Variants in USH2A observed in about 807,000 individuals in gnomAD.
The protein encoded by USH2A is usherin, also known as Usher syndrome 2A (autosomal recessive, mild).
A neutral mutation model predicts 538.9 loss-of-function variants in USH2A; 443 were observed. The ratio of observed to expected loss-of-function variants is 0.82; its 90% CI spans 0.76 to 0.89. USH2A has a LOEUF of 0.89. Ranked by LOEUF, USH2A falls within the 40% of genes least tolerant of loss-of-function variation. The pLI, the probability that USH2A is intolerant of heterozygous loss-of-function variation, is 0.00. For synonymous variants in USH2A, 2,413 were observed against 2,273.5 expected (o/e 1.06, Z -1.75); for missense variants, 6,633 against 6,324.8 (o/e 1.05, Z -1.65).
Position 215,899,950 on chromosome 1 carries a change from A to C in USH2A, c.7594+125T>G. The C allele has an allele frequency of 2.2e-6, 3 of 1,394,076 alleles. 1 individual carries two copies. The South Asian group carries it at 3.6e-5, about 17-fold the overall frequency. 86.4% of individuals were successfully genotyped at this position (1,394,076 alleles called of 1,614,324 possible). A position where few individuals can be genotyped will look rare whatever the true frequency, so the allele number is the denominator to read the frequency against. ...CTTTGCTCACTCTCTTGCCCTAGAA[A>C]AGGTTATTGTCACTAAACAACAAGT... is the stretch of plus-strand genomic sequence containing the variant. On this transcript the variant is annotated intron_variant, in intron 40 of 71. Transcript: ENST00000307340.
chr1:215,806,894 CTTTTT>C (rs1455610043), intron 49 of USH2A, among the ~76,000 whole-genome samples: 2 of 151,984 alleles, frequency 1.3e-5, no homozygotes, highest in Non-Finnish European at 2.9e-5. Context: ...CTCACAGTAT[CTTTTT>C]TTGTTTCACT....
At chr1:215,839,089 G>A (rs1663606077) in intron 46 of USH2A, among the ~76,000 whole-genome samples, 1 of 152,104 alleles carries the variant, frequency 6.6e-6, no homozygotes, top group South Asian at 2.1e-4. Flanking sequence ...TGTTCATAAT[G>A]CTGTATGAGT....
chr1:215,929,155 A>AT (rs1666304288), intron 38 of USH2A, among the ~76,000 whole-genome samples: 1 of 4,614 alleles, frequency 2.2e-4, no homozygotes, highest in African/African-American at 1.2e-3. Context: ...TTAACAATGT[A>AT]AAAAAAAGCA....
intron 43 of USH2A, among the ~76,000 whole-genome samples, chr1:215,876,911 G>A (rs1038974614): frequency 1.3e-5 from 2 of 152,112 alleles, no homozygotes; most frequent in African/African-American, 4.8e-5. Context: ...AGGCTAGAAT[G>A]GTAAACAGGG....
At chr1:216,270,197 G>C (rs1473234999) in intron 11 of USH2A, among the ~76,000 whole-genome samples, 1 of 152,014 alleles carries the variant, frequency 6.6e-6, no homozygotes, top group Non-Finnish European at 1.5e-5. Context: ...AAGAACTAAT[G>C]TTCTATAGAT....
chr1:216,028,584 C>T (rs1669023349), intron 32 of USH2A, among the ~76,000 whole-genome samples: 1 of 151,744 alleles, frequency 6.6e-6, no homozygotes, highest in Admixed American at 6.6e-5. Flanking sequence ...TTTGAATTGA[C>T]TACAAGTTTT....
At chr1:216,340,036 T>G (rs775388315) in intron 4 of USH2A, among the ~76,000 whole-genome samples, 40 of 151,312 alleles carry the variant, frequency 2.6e-4, no homozygotes, top group Non-Finnish European at 5.0e-4. Context: ...AAAAAATCAA[T>G]GAATCCAGGA....
chr1:216,207,641 C>T (rs2035145899), intron 15 of USH2A, among the ~76,000 whole-genome samples: 1 of 150,202 alleles, frequency 6.7e-6, no homozygotes, highest in South Asian at 2.1e-4. Context: ...CTTTTTAGGT[C>T]AAAGCAGCTG....
At chr1:216,220,126 G>T (rs1323307363) in intron 14 of USH2A, among the ~76,000 whole-genome samples, 2 of 151,964 alleles carry the variant, frequency 1.3e-5, no homozygotes, top group South Asian at 2.1e-4. Flanking sequence ...GCACATCATT[G>T]TCAGAAAATT....
At chr1:215,644,357 A>C (rs1395439098) in intron 67 of USH2A, among the ~76,000 whole-genome samples, 1 of 152,166 alleles carries the variant, frequency 6.6e-6, no homozygotes, top group Admixed American at 6.5e-5. Flanking sequence ...TATACACTTC[A>C]AAACAGAGCA....
At chr1:215,658,109 G>T (rs1397179381) in intron 64 of USH2A, among the ~76,000 whole-genome samples, 1 of 151,680 alleles carries the variant, frequency 6.6e-6, no homozygotes, top group Non-Finnish European at 1.5e-5. Flanking sequence ...TAATTTTTTT[G>T]TATTTTTAGT....
At chr1:215,752,142 C>T (rs964052716) in intron 58 of USH2A, among the ~76,000 whole-genome samples, 3 of 151,916 alleles carry the variant, frequency 2.0e-5, no homozygotes, top group South Asian at 2.1e-4. Flanking sequence ...TTAATGTAGA[C>T]GAAGGATGAC....
intron 61 of USH2A, among the ~76,000 whole-genome samples, chr1:215,683,216 TACACACACACACACACACAC>T (rs71167830): frequency 6.7e-6 from 1 of 149,578 alleles, no homozygotes; most frequent in Non-Finnish European, 1.5e-5. Flanking sequence ...AATAGTTTTA[TACACACACACACACACACAC>T]ACACACACAC....
intron 9 of USH2A, among the ~76,000 whole-genome samples, chr1:216,294,886 A>G (rs2037073613): frequency 6.6e-6 from 1 of 151,502 alleles, no homozygotes; most frequent in East Asian, 1.9e-4. Context: ...TCTTTAGTAT[A>G]CTCTTTTTTA....
intron 21 of USH2A, among the ~76,000 whole-genome samples, chr1:216,153,633 A>G (rs996014590): frequency 9.2e-5 from 14 of 152,212 alleles, no homozygotes; most frequent in African/African-American, 3.4e-4. Context: ...TTCATTTCAT[A>G]TATGCAGTTT....
intron 4 of USH2A, among the ~76,000 whole-genome samples, chr1:216,350,442 C>T (rs1000995532): frequency 1.3e-5 from 2 of 152,112 alleles, no homozygotes; most frequent in Non-Finnish European, 2.9e-5. Flanking sequence ...CCTGTAAAAT[C>T]AAAACCCAGT....
rs774855292 is a variant in USH2A at position 215,888,721 on chromosome 1, G to T, written c.7928C>A (p.Ser2643Tyr). ...FSDTPTSVII[S>Y]WQPPTHPNGL... ...ATTGGGGTGGGTAGGGGGTTGCCAAGATATAATCACAGATGTTGGAGTATC... is the reference window on the plus strand; with the variant it reads ...ATTGGGGTGGGTAGGGGGTTGCCAATATATAATCACAGATGTTGGAGTATC... Residue 2643 changes from serine to tyrosine, a missense_variant, in exon 41 of 72, where the codon TCT (serine) becomes TAT (tyrosine). Physicochemically the swap from Ser to Tyr is moderately radical, Grantham distance 144. Transcript: ENST00000307340. 1 of 1,614,150 alleles carries T rather than the reference G, an allele frequency of 6.2e-7. No homozygotes were observed. The highest frequency in any genetic ancestry group is 8.5e-7 in the Non-Finnish European group (1 of 1,180,020).
chr1:215,655,148 C>T (rs542427310), intron 64 of USH2A, among the ~76,000 whole-genome samples: 11 of 152,196 alleles, frequency 7.2e-5, no homozygotes, highest in South Asian at 2.1e-4. Context: ...TATTTCCAAG[C>T]GCTTTTTACA....
At chr1:215,801,501 A>G (rs981339235) in intron 49 of USH2A, among the ~76,000 whole-genome samples, 2 of 152,080 alleles carry the variant, frequency 1.3e-5, no homozygotes, top group Non-Finnish European at 2.9e-5. Context: ...AAGAATGAAC[A>G]ACATGAAAAT....
Sources: gnomAD v4.1 joint callset for allele counts (sites outside exome capture counted in the v4.1 genomes callset) on GRCh38, gnomAD v4.1.1 for gene constraint, MANE v1.5 for transcripts, NCBI Gene and HGNC (gene_info 2026-07-23, HGNC 2026-07-21) for gene names.